Variants in PARD3B observed in about 807,000 individuals in gnomAD.
PARD3B encodes partitioning defective 3 homolog B.
A neutral mutation model predicts 130.2 loss-of-function variants in PARD3B; 103 were observed. The observed-to-expected ratio is 0.79, with a 90% confidence interval of 0.67 to 0.93. PARD3B has a LOEUF of 0.93. PARD3B is among the 40% of genes least tolerant of loss of function. PARD3B has a pLI of 0.00. For synonymous variants in PARD3B, 583 were observed against 553.2 expected, an observed-to-expected ratio of 1.05 and a Z score of -0.76; for missense variants, 1,609 against 1,499.2, an observed-to-expected ratio of 1.07 and a Z score of -1.21.
intron 4 of PARD3B, among the ~76,000 whole-genome samples, chr2:205,054,442 T>A (rs1247964843): frequency 0.062 from 2,702 of 43,822 alleles, 41 homozygotes; most frequent in Non-Finnish European, 0.09. Flanking sequence ...ATATATTTTT[T>A]TTTTTTTTTT....
intron 20 of PARD3B, among the ~76,000 whole-genome samples, chr2:205,467,697 A>G (rs757106339): frequency 5.3e-5 from 8 of 152,170 alleles, no homozygotes; most frequent in Non-Finnish European, 1.0e-4. Flanking sequence ...GCCATATTAG[A>G]CAGCATTAGA....
At chr2:204,914,017 T>C (rs1245210510) in intron 2 of PARD3B, among the ~76,000 whole-genome samples, 1 of 152,150 alleles carries the variant, frequency 6.6e-6, no homozygotes, top group Non-Finnish European at 1.5e-5. Flanking sequence ...TTTCTGTTGA[T>C]GGTAGTGATG....
Position 205,229,428 on chromosome 2 carries a change from G to C in PARD3B, c.2141-16350G>C, listed in dbSNP as rs2038722737. On this transcript the variant is annotated intron_variant, in intron 15 of 22. Coordinates refer to ENST00000406610, the MANE Select transcript of PARD3B (RefSeq NM_001302769.2). The surrounding 1 kb of genome is among the most constrained non-coding windows in gnomAD (Gnocchi z 5.2). ...GTAGAGGTGCCATGTTGGTGGTCTT[G>C]GATAAGATCTGGGAGAATTAATTCC... Among the ~76,000 whole-genome samples the C allele has an allele frequency of 6.6e-6, 1 of 152,168 alleles. No individual in the cohort carries two copies. Among genetic ancestry groups the C allele is most frequent in the African/African-American group, 2.4e-5 (1 of 41,438 alleles).
chr2:204,690,261 T>C (rs553888972), intron 2 of PARD3B, among the ~76,000 whole-genome samples: 120 of 152,272 alleles, frequency 7.9e-4, no homozygotes, highest in African/African-American at 2.8e-3. Context: ...CAGTAACTAC[T>C]TTTTTGCACC....
At chr2:205,177,265 C>T (rs565357320) in intron 13 of PARD3B, among the ~76,000 whole-genome samples, 1 of 151,864 alleles carries the variant, frequency 6.6e-6, no homozygotes, top group African/African-American at 2.4e-5. Flanking sequence ...ATATTCATTG[C>T]AGAAAATTTA....
rs571419681 is a variant in PARD3B, at chr2:205,140,846, A to G, written c.1434+15109A>G. 2.0e-5 allele frequency among the ~76,000 whole-genome samples: 3 copies of G among 152,262 alleles called. No individual in the cohort carries two copies. In the East Asian group the frequency reaches 5.8e-4, roughly 29 times the overall value. The stretch of plus-strand genomic sequence containing the variant: ...TTTTGGTAGGCTGAGATTTTCTTCT[A>G]CAATTTAGCAGAAAAAAATGAAGTC... On this transcript the variant is annotated intron_variant, in intron 10 of 22. Transcript: ENST00000406610.
chr2:205,566,787 G>A (rs1377471823), intron 22 of PARD3B, among the ~76,000 whole-genome samples: 1 of 152,228 alleles, frequency 6.6e-6, no homozygotes, highest in Admixed American at 6.5e-5. Context: ...TACTCAGAAA[G>A]TACAAATAAA....
intron 2 of PARD3B, among the ~76,000 whole-genome samples, chr2:204,735,041 A>G (rs2039686016): frequency 6.6e-6 from 1 of 152,062 alleles, no homozygotes; most frequent in Non-Finnish European, 1.5e-5. Context: ...GAGAAATTAT[A>G]GAATTGGCAA....
intron 21 of PARD3B, among the ~76,000 whole-genome samples, chr2:205,538,163 C>T (rs2051948038): frequency 6.6e-6 from 1 of 152,152 alleles, no homozygotes; most frequent in Admixed American, 6.5e-5. Flanking sequence ...AACAAAAACA[C>T]AAACCATCTC....
At chr2:204,969,739 G>A (rs2125171569) in intron 3 of PARD3B, among the ~76,000 whole-genome samples, 1 of 152,274 alleles carries the variant, frequency 6.6e-6, no homozygotes, top group Admixed American at 6.5e-5. Context: ...ATATGTGATA[G>A]CACCTCACAT....
chr2:204,610,478 C>G lies in PARD3B; in HGVS notation c.120+64359C>G, dbSNP rs1175954322. On this transcript the variant is annotated intron_variant, in intron 1 of 22. Transcript: ENST00000406610. The surrounding 1 kb of genome is among the most constrained non-coding windows in gnomAD (Gnocchi z 4.1). ...TAAAGCGATTCTCCTGCGTCAGCCT[C>G]CCGAGTGGCTGGGATTACAGATGCA... Among the ~76,000 whole-genome samples the G allele has an allele frequency of 3.9e-5, 6 of 152,182 alleles. No individual in the cohort carries two copies. Among genetic ancestry groups the G allele is most frequent in the African/African-American group, 1.4e-4 (6 of 41,438 alleles).
intron 18 of PARD3B, among the ~76,000 whole-genome samples, chr2:205,371,927 G>A (rs2044833593): frequency 6.6e-6 from 1 of 152,014 alleles, no homozygotes; most frequent in South Asian, 2.1e-4. Context: ...TTTGCGACTG[G>A]CTTCTTTCAC....
At chr2:205,363,260 A>G (rs2044464781) in intron 18 of PARD3B, among the ~76,000 whole-genome samples, 1 of 152,160 alleles carries the variant, frequency 6.6e-6, no homozygotes, top group African/African-American at 2.4e-5. Context: ...TCCAGAATTG[A>G]GAACTGTCCC....
intron 14 of PARD3B, among the ~76,000 whole-genome samples, chr2:205,190,706 A>G (rs2036348599): frequency 2.0e-5 from 3 of 152,172 alleles, no homozygotes; most frequent in Admixed American, 6.6e-5. Context: ...TCTGGCTCTT[A>G]AACTTTTTGA....
At chr2:204,807,002 G>A (rs2042790871) in intron 2 of PARD3B, among the ~76,000 whole-genome samples, 1 of 152,112 alleles carries the variant, frequency 6.6e-6, no homozygotes, top group Admixed American at 6.6e-5. Flanking sequence ...TATGTCTGGG[G>A]AGGCTTCACA....
chr2:205,378,103 C>A (rs552977385), intron 18 of PARD3B, among the ~76,000 whole-genome samples: 2 of 152,200 alleles, frequency 1.3e-5, no homozygotes, highest in Admixed American at 1.3e-4. Context: ...AAAATATGTC[C>A]TTTTCTGAAT....
intron 22 of PARD3B, among the ~76,000 whole-genome samples, chr2:205,601,437 A>T (rs1575459647): frequency 6.6e-6 from 1 of 152,066 alleles, no homozygotes; most frequent in East Asian, 1.9e-4. Context: ...TTTTTCTCCC[A>T]TTCTGTAGGC....
chr2:205,218,984 GC>G (rs1173190248), intron 15 of PARD3B, among the ~76,000 whole-genome samples: 1 of 151,998 alleles, frequency 6.6e-6, no homozygotes, highest in African/African-American at 2.4e-5. Context: ...GGAGGCTGAA[GC>G]AGGAGAATTG....
rs1356026417 is a variant in PARD3B at position 205,122,064 on chromosome 2, A to C, written c.1165+115A>C. On this transcript the variant is annotated intron_variant, in intron 8 of 22. Transcript: ENST00000406610. The surrounding 1 kb of genome is among the most constrained non-coding windows in gnomAD (Gnocchi z 4.3). ...CTCCCTTCATTTAATTGTATCAAAGAATAGATTTAAGTGTATACTTAGGTA... is the reference window on the plus strand; with the variant it reads ...CTCCCTTCATTTAATTGTATCAAAGCATAGATTTAAGTGTATACTTAGGTA... 2 of 926,726 alleles carry C rather than the reference A, an allele frequency of 2.2e-6. No individual in the cohort carries two copies. The highest frequency in any genetic ancestry group is 3.2e-6 in the Non-Finnish European group (2 of 633,538). The allele number at this position is 926,726 out of a possible 1,614,324, so 57.4% of individuals were successfully genotyped here. A position where few individuals can be genotyped will look rare whatever the true frequency, so the allele number is the denominator to read the frequency against.
Sources: gnomAD v4.1 joint callset for allele counts (sites outside exome capture counted in the v4.1 genomes callset) on GRCh38, gnomAD v4.1.1 for gene constraint, Gnocchi (gnomAD v3.1) non-coding constraint, MANE v1.5 for transcripts, NCBI Gene and HGNC (gene_info 2026-07-23, HGNC 2026-07-21) for gene names.